ATP2C2: variants seen among roughly 807,000 people sequenced by gnomAD.
The protein encoded by ATP2C2 is calcium-transporting ATPase type 2C member 2.
In ATP2C2, 171 loss-of-function variants were observed where a neutral mutation model predicts 110.8. The ratio of observed to expected loss-of-function variants is 1.54; its 90% CI spans 1.36 to 1.75. The LOEUF is 1.75. Ranked by LOEUF, ATP2C2 falls within the 40% of genes most tolerant of loss-of-function variation. The probability of loss-of-function intolerance (pLI) is 0.00; values close to 1 mark genes in which losing one functional copy is unlikely to be tolerated. For synonymous variants in ATP2C2, 804 were observed against 508.4 expected, an observed-to-expected ratio of 1.58 and a Z score of -7.82; for missense variants, 1,963 against 1,235.0, an observed-to-expected ratio of 1.59 and a Z score of -8.84.
chr16:84,389,549 C>A (rs1473730606), intron 1 of ATP2C2, among the ~76,000 whole-genome samples: 1 of 152,170 alleles, frequency 6.6e-6, no homozygotes, highest in Non-Finnish European at 1.5e-5. Context: ...GCAAAGGTAA[C>A]TGGCATCTGT....
chr16:84,373,302 C>T (rs969035494), intron 1 of ATP2C2, among the ~76,000 whole-genome samples: 6 of 152,124 alleles, frequency 3.9e-5, no homozygotes, highest in Non-Finnish European at 5.9e-5. Context: ...GAGTTCGAGA[C>T]CAGCCTGGCC....
chr16:84,422,618 C>T lies in ATP2C2; in HGVS notation c.775-11C>T, dbSNP rs190259099. ...CCTTAGATTTCATACTTCTCTCTCT[C>T]CTGGACACAGGGGGTCGTGATTGGA... On this transcript the variant is annotated splice_polypyrimidine_tract_variant and intron_variant, in intron 8 of 26. Transcript: ENST00000262429. The T allele has an allele frequency of 6.2e-7, 1 of 1,612,522 alleles. No homozygotes were observed.
chr16:84,458,294 T>A (rs1448261967), intron 21 of ATP2C2, among the ~76,000 whole-genome samples: 1 of 103,136 alleles, frequency 9.7e-6, no homozygotes, highest in Non-Finnish European at 1.9e-5. Context: ...AATTGAACAA[T>A]GAGATCACAT....
At chr16:84,427,811 C>T (rs1056622897) in intron 11 of ATP2C2, among the ~76,000 whole-genome samples, 1 of 152,064 alleles carries the variant, frequency 6.6e-6, no homozygotes, top group African/African-American at 2.4e-5. Flanking sequence ...TGTAGTGACT[C>T]CTAACAGTTA....
intron 1 of ATP2C2, among the ~76,000 whole-genome samples, chr16:84,369,269 A>G (rs1211145078): frequency 6.6e-6 from 1 of 152,192 alleles, no homozygotes; most frequent in African/African-American, 2.4e-5. Flanking sequence ...ACCCTCTGGG[A>G]TAAAGCAGCA....
At chr16:84,368,911 C>G (rs1909791631) in intron 1 of ATP2C2, among the ~76,000 whole-genome samples, 197 bp downstream of exon 1, 1 of 152,350 alleles carries the variant, frequency 6.6e-6, no homozygotes, top group Non-Finnish European at 1.5e-5. Flanking sequence ...GCATGGAACC[C>G]TCACGTGAAC....
rs768698077 is a variant in ATP2C2 at position 84,440,974 on chromosome 16, G to A, written c.1311+16G>A. ...GTTAGTGGAGGTAGGTGTCAAAAGC[G>A]CCATGAGGGAAATAGGCATTTACAT... On this transcript the variant is annotated intron_variant, in intron 14 of 26. Coordinates refer to ENST00000262429, the MANE Select transcript of ATP2C2 (RefSeq NM_014861.4). 7.6e-6 allele frequency: 12 copies of A among 1,588,858 alleles called. No individual in the cohort carries two copies. The highest frequency in any genetic ancestry group is 1.7e-4 in the Middle Eastern group (1 of 6,044).
intron 13 of ATP2C2, 66 bp downstream of exon 13, chr16:84,439,590 A>C: frequency 7.3e-7 from 1 of 1,371,594 alleles, no homozygotes; most frequent in Non-Finnish European, 1.0e-6. Flanking sequence ...TTTCTAAACT[A>C]AGCACACAAT....
chr16:84,405,249 G>T lies in ATP2C2; in HGVS notation c.327+5G>T, dbSNP rs1387681318. ...TGGAAGAAATACCTGGATCAGGTAG[G>T]ACCAGAGGTGTCATTCTTTGCATTA... On this transcript the variant is annotated splice_donor_5th_base_variant and intron_variant, in intron 3 of 26. Transcript: ENST00000262429. The T allele has an allele frequency of 6.2e-7, 1 of 1,604,712 alleles. No homozygotes were observed. Among genetic ancestry groups the T allele is most frequent in the East Asian group, 2.2e-5 (1 of 44,768 alleles).
rs902511446 is a variant in ATP2C2 at position 84,439,307 on chromosome 16, G to C, written c.1111+17G>C. The C allele has an allele frequency of 1.7e-5, 27 of 1,613,316 alleles. No homozygotes were observed. Among genetic ancestry groups the C allele is most frequent in the African/African-American group, 4.0e-5 (3 of 74,888 alleles). On this transcript the variant is annotated intron_variant, in intron 12 of 26. Transcript: ENST00000262429. ...AGACTTTAGGTGAGGGACTCCAGCT[G>C]GTGGAATCCTTACACGTGGAATTGA...
At chr16:84,371,626 C>A (rs765803682) in intron 1 of ATP2C2, among the ~76,000 whole-genome samples, 19 of 152,230 alleles carry the variant, frequency 1.2e-4, no homozygotes, top group Non-Finnish European at 2.2e-4. Context: ...ATTCCTGCTT[C>A]CCAGGTGACT....
chr16:84,443,773 C>T (rs1293218443), intron 15 of ATP2C2, among the ~76,000 whole-genome samples: 1 of 152,210 alleles, frequency 6.6e-6, no homozygotes, highest in South Asian at 2.1e-4. Context: ...CAACCTCCCA[C>T]ACCACTGCCT....
chr16:84,458,783 G>A (rs140641276), intron 21 of ATP2C2, among the ~76,000 whole-genome samples: 28 of 152,296 alleles, frequency 1.8e-4, no homozygotes, highest in African/African-American at 6.0e-4. Flanking sequence ...GGTAAATCGC[G>A]GAGATGCACG....
At chr16:84,415,020 G>A (rs559234902) in intron 6 of ATP2C2, among the ~76,000 whole-genome samples, 3 of 152,236 alleles carry the variant, frequency 2.0e-5, no homozygotes, top group South Asian at 2.1e-4. Context: ...AAGCATATCC[G>A]TAGTCTGAGG....
intron 11 of ATP2C2, among the ~76,000 whole-genome samples, chr16:84,434,172 C>A (rs947912088): frequency 1.3e-5 from 2 of 152,064 alleles, no homozygotes; most frequent in African/African-American, 4.8e-5. Flanking sequence ...AACCCCAGCA[C>A]TTTGGGAGGC....
intron 4 of ATP2C2, among the ~76,000 whole-genome samples, chr16:84,408,726 C>T (rs1041201927): frequency 6.6e-6 from 1 of 152,094 alleles, no homozygotes; most frequent in Admixed American, 6.5e-5. Flanking sequence ...TGGGTCTTTG[C>T]TAGAGCAGTG....
chr16:84,368,753 C>A lies in ATP2C2; in HGVS notation c.99+39C>A, dbSNP rs544450674. 1.6e-4 allele frequency: 225 copies of A among 1,431,556 alleles called. No homozygotes were observed. The East Asian group carries it at 6.4e-3, about 41-fold the overall frequency. The allele number at this position is 1,431,556 out of a possible 1,614,324, so 88.7% of individuals were successfully genotyped here. A position where few individuals can be genotyped will look rare whatever the true frequency, so the allele number is the denominator to read the frequency against. ...ACTCCGCGCCGGGCGTGCGACCCGA[C>A]CCCCCATCCCCTCCGTCGTAACCGT... is the stretch of plus-strand genomic sequence containing the variant. On this transcript the variant is annotated intron_variant, in intron 1 of 26. Coordinates refer to ENST00000262429, the MANE Select transcript of ATP2C2 (RefSeq NM_014861.4).
chr16:84,433,227 TTTGTTATTAGCCAGGTATGG>T (rs1244747616), intron 11 of ATP2C2, among the ~76,000 whole-genome samples: 50 of 151,666 alleles, frequency 3.3e-4, no homozygotes, highest in Non-Finnish European at 2.9e-5. Context: ...AAACAAATGT[TTTGTTATTAGCCAGGTATGG>T]TGGTGCACGC....
rs773987877 is a variant in ATP2C2, at chr16:84,408,525, G to C, written c.417+31G>C. On this transcript the variant is annotated intron_variant, in intron 4 of 26. Transcript: ENST00000262429. ...TTCCCTGACAGCGCTCGGCTCCCGG[G>C]CGGGCAGCCACAGGTCTGCTGAGTC... is the stretch of plus-strand genomic sequence containing the variant. 5 of 1,581,978 alleles carry C rather than the reference G, an allele frequency of 3.2e-6. No homozygotes were observed. In the East Asian group the frequency reaches 1.1e-4, roughly 35 times the overall value.
Sources: allele counts gnomAD v4.1 joint callset (sites outside exome capture counted in the v4.1 genomes callset), GRCh38; gene constraint gnomAD v4.1.1; transcripts MANE v1.5; gene names NCBI Gene and HGNC (gene_info 2026-07-23, HGNC 2026-07-21).